Variants in KLRG1 observed in about 807,000 individuals in gnomAD.
KLRG1 encodes the protein killer cell lectin-like receptor subfamily G member 1.
A neutral mutation model predicts 21.8 loss-of-function variants in KLRG1; 16 were observed. That is an observed-to-expected ratio of 0.73 (90% confidence interval 0.50 to 1.11). KLRG1 has a LOEUF of 1.11. Among genes scored for constraint, KLRG1 ranks in the 50% most tolerant of loss-of-function variants. The pLI, the probability that KLRG1 is intolerant of heterozygous loss-of-function variation, is 0.00. For missense variants in KLRG1, 173 were observed against 218.3 expected, an observed-to-expected ratio of 0.79 and a Z score of 1.31; for synonymous variants, 69 against 75.9, an observed-to-expected ratio of 0.91 and a Z score of 0.47.
the KLRG1 span, among the ~76,000 whole-genome samples, chr12:9,025,833 G>A: frequency 2.0e-5 from 3 of 152,292 alleles, no homozygotes; most frequent in South Asian, 6.2e-4. Context: ...GAAGTAAACT[G>A]TTATTACCTG....
the KLRG1 span, chr12:9,204,097 C>T: frequency 1.2e-6 from 1 of 810,776 alleles, no homozygotes; most frequent in African/African-American, 1.7e-5. Flanking sequence ...GAGGTTCTGT[C>T]ACAGATCAGC....
intron 1 of KLRG1, among the ~76,000 whole-genome samples, chr12:8,978,661 T>TTTCC (rs1565541232): frequency 7.8e-6 from 1 of 128,326 alleles, no homozygotes; most frequent in Non-Finnish European, 1.8e-5. Flanking sequence ...TCTTTCTTTC[T>TTTCC]TTCTTTCTTT....
At chr12:9,001,773 C>A (rs752941418) in intron 3 of KLRG1, among the ~76,000 whole-genome samples, 2 of 152,170 alleles carry the variant, frequency 1.3e-5, no homozygotes, top group Non-Finnish European at 2.9e-5. Context: ...TGTGGGAATT[C>A]CCCTGTCGCT....
upstream of KLRG1, chr12:8,988,515 C>T (rs1319996356): frequency 6.6e-6 from 1 of 152,124 alleles, no homozygotes; most frequent in East Asian, 1.9e-4. Flanking sequence ...TATCCTTATG[C>T]AGTCTATCTT....
chr12:9,208,414 C>T, the KLRG1 span: 13 of 1,257,176 alleles, frequency 1.0e-5, no homozygotes, highest in East Asian at 2.4e-5. Context: ...GCTGAGTTTA[C>T]CAGGCTTTAT....
chr12:9,108,271 G>A, the KLRG1 span, among the ~76,000 whole-genome samples: 14 of 152,024 alleles, frequency 9.2e-5, no homozygotes, highest in African/African-American at 1.9e-4. Flanking sequence ...GACTACAGGC[G>A]CTGGCCACCA....
the KLRG1 span, chr12:9,202,557 G>C: frequency 6.2e-7 from 1 of 1,614,114 alleles, no homozygotes; most frequent in Non-Finnish European, 8.5e-7. Flanking sequence ...GGGTTTGTCT[G>C]TCTGGACAAA....
the KLRG1 span, chr12:9,109,442 T>C: frequency 6.5e-7 from 1 of 1,537,650 alleles, no homozygotes; most frequent in Non-Finnish European, 9.0e-7. Context: ...GTGATTGGTT[T>C]TCAACTTTGG....
At chr12:9,104,246 G>T in the KLRG1 span, 8 of 1,610,790 alleles carry the variant, frequency 5.0e-6, no homozygotes, top group Non-Finnish European at 5.1e-6. Flanking sequence ...TACCCTAACA[G>T]TAAGAGAGGT....
the KLRG1 span, among the ~76,000 whole-genome samples, chr12:9,139,562 T>C: frequency 6.6e-6 from 1 of 152,200 alleles, no homozygotes; most frequent in Non-Finnish European, 1.5e-5. Flanking sequence ...TGCTCCCTAT[T>C]TCTCTTTTCT....
chr12:9,144,285 G>C, the KLRG1 span, among the ~76,000 whole-genome samples: 1 of 152,192 alleles, frequency 6.6e-6, no homozygotes, highest in African/African-American at 2.4e-5. Flanking sequence ...GAAGTGGTCA[G>C]GTCTCAGGAC....
At position 8,955,165 on chromosome 12, in the gene KLRG1, G is replaced by A. The variant is rs58741361; in HGVS notation, c.-156+4929G>A. Among the ~76,000 whole-genome samples, 292 of 152,028 alleles carry A rather than the reference G, an allele frequency of 1.9e-3. 1 individual carries two copies. The highest frequency in any genetic ancestry group is 6.8e-3 in the African/African-American group (284 of 41,484). ...CTCCTGACCTTGTGCCGCCCACCTCGGCCTCCCAAAGTGCTGGGATTACAG... is the reference window on the plus strand; with the variant it reads ...CTCCTGACCTTGTGCCGCCCACCTCAGCCTCCCAAAGTGCTGGGATTACAG... On this transcript the variant is annotated intron_variant, in intron 1 of 4. Transcript: ENST00000539240.
chr12:9,121,323 A>T, the KLRG1 span, among the ~76,000 whole-genome samples: 3 of 152,186 alleles, frequency 2.0e-5, no homozygotes, highest in Non-Finnish European at 4.4e-5. This position sits in a 1 kb window ranked among gnomAD's most constrained non-coding sequence, Gnocchi z 4.4. Flanking sequence ...CAGGTGGATC[A>T]TGAGGTCAAG....
chr12:9,016,947 A>G, the KLRG1 span, among the ~76,000 whole-genome samples: 2 of 152,088 alleles, frequency 1.3e-5, no homozygotes, highest in Non-Finnish European at 2.9e-5. Context: ...AAAGGAGGGA[A>G]TGCTTCCACA....
chr12:9,059,840 C>T, the KLRG1 span, among the ~76,000 whole-genome samples: 158 of 151,738 alleles, frequency 1.0e-3, 3 homozygotes, highest in Middle Eastern at 6.8e-3. Context: ...CCACTATGCC[C>T]GGCTAATTTT....
At chr12:9,148,853 A>T in the KLRG1 span, 4 of 822,148 alleles carry the variant, frequency 4.9e-6, no homozygotes, top group East Asian at 9.9e-5. Flanking sequence ...TTTGACCAGA[A>T]GTACATATTT....
chr12:9,079,453 G>T, the KLRG1 span: 1 of 1,168,938 alleles, frequency 8.6e-7, no homozygotes, highest in African/African-American at 1.5e-5. Context: ...CATAGATTAG[G>T]AGTTTCTGAG....
At chr12:9,179,325 G>T in the KLRG1 span, among the ~76,000 whole-genome samples, 1 of 151,958 alleles carries the variant, frequency 6.6e-6, no homozygotes, top group Non-Finnish European at 1.5e-5. Context: ...CTCTCTCTAA[G>T]GACAAGGACT....
the KLRG1 span, among the ~76,000 whole-genome samples, chr12:9,025,392 T>A: frequency 6.6e-6 from 1 of 152,174 alleles, no homozygotes; most frequent in African/African-American, 2.4e-5. Context: ...ATCTCAGCAC[T>A]TTGGGAGGCC....
Sources: gnomAD v4.1 joint callset for allele counts (sites outside exome capture counted in the v4.1 genomes callset) on GRCh38, gnomAD v4.1.1 for gene constraint, Gnocchi (gnomAD v3.1) non-coding constraint, MANE v1.5 for transcripts, NCBI Gene and HGNC (gene_info 2026-07-23, HGNC 2026-07-21) for gene names.